The following KCNG3 variants were observed in gnomAD, a reference collection of about 807,000 sequenced individuals.
The protein encoded by KCNG3 is potassium voltage-gated channel modifier subfamily G member 3, also known as voltage-gated potassium channel regulatory subunit KCNG3.
A neutral mutation model predicts 29.0 loss-of-function variants in KCNG3; 15 were observed. The observed-to-expected ratio is 0.52, with a 90% CI of 0.35 to 0.80. The LOEUF is 0.80. Among genes scored for constraint, KCNG3 ranks in the 30% least tolerant of loss-of-function variants. The probability of loss-of-function intolerance (pLI) is 0.01; values close to 1 mark genes in which losing one functional copy is unlikely to be tolerated. For missense variants in KCNG3, 512 were observed against 605.7 expected, an observed-to-expected ratio of 0.85 and a Z score of 1.62; for synonymous variants, 322 against 248.9, an observed-to-expected ratio of 1.29 and a Z score of -2.76.
chr2:42,413,033 A>G, the KCNG3 span, among the ~76,000 whole-genome samples: 23 of 152,204 alleles, frequency 1.5e-4, no homozygotes, highest in East Asian at 4.3e-3. Context: ...GCAGTGGTGC[A>G]ATCATAGTTC....
chr2:42,405,670 C>T, the KCNG3 span, among the ~76,000 whole-genome samples: 5 of 152,028 alleles, frequency 3.3e-5, no homozygotes, highest in East Asian at 5.8e-4. Context: ...TGCAGTGGCG[C>T]AATCTCAGCT....
the KCNG3 span, among the ~76,000 whole-genome samples, chr2:42,431,652 A>G: frequency 6.6e-6 from 1 of 152,232 alleles, no homozygotes; most frequent in Admixed American, 6.5e-5. Context: ...CTTGCAGATA[A>G]TATTAAGCTT....
At chr2:42,432,782 A>G in the KCNG3 span, among the ~76,000 whole-genome samples, 1 of 152,168 alleles carries the variant, frequency 6.6e-6, no homozygotes, top group Non-Finnish European at 1.5e-5. Flanking sequence ...AAAACCATCA[A>G]CAAGTACTTC....
At chr2:42,389,237 C>T in the KCNG3 span, among the ~76,000 whole-genome samples, 1 of 152,152 alleles carries the variant, frequency 6.6e-6, no homozygotes, top group African/African-American at 2.4e-5. Context: ...TACTTTGTAA[C>T]CTGCTTTTAT....
At chr2:42,455,750 C>G (rs1672860785) in intron 1 of KCNG3, among the ~76,000 whole-genome samples, 1 of 151,904 alleles carries the variant, frequency 6.6e-6, no homozygotes, top group Non-Finnish European at 1.5e-5. Flanking sequence ...GACTAGGCAA[C>G]AGACCAAAAT....
the KCNG3 span, among the ~76,000 whole-genome samples, chr2:42,422,653 A>G: frequency 6.6e-6 from 1 of 152,150 alleles, no homozygotes; most frequent in African/African-American, 2.4e-5. Context: ...AAGGCAGACA[A>G]TTAGAAGTAA....
the KCNG3 span, chr2:42,424,894 GC>G: frequency 6.6e-6 from 1 of 152,298 alleles, no homozygotes; most frequent in East Asian, 1.9e-4. Context: ...CAGGACCCCG[GC>G]TCCACAGCTA....
chr2:42,493,627 G>C lies in KCNG3; in HGVS notation c.-126C>G, dbSNP rs942066209. The C allele has an allele frequency of 1.1e-5, 9 of 810,140 alleles. No individual in the cohort carries two copies. The African/African-American group carries it at 1.6e-4, about 15-fold the overall frequency. The allele number at this position is 810,140 out of a possible 1,614,324, so 50.2% of individuals were successfully genotyped here. A position where few individuals can be genotyped will look rare whatever the true frequency, so the allele number is the denominator to read the frequency against. ...CGCCGTCGGGGCCCGCGCTCCCTCGGGGCTCCGCTCCTGCCCTCCGCTGGC... is the reference window on the plus strand; with the variant it reads ...CGCCGTCGGGGCCCGCGCTCCCTCGCGGCTCCGCTCCTGCCCTCCGCTGGC... On this transcript the variant is annotated 5_prime_UTR_variant, in exon 1 of 2. Transcript: ENST00000306078.
intron 1 of KCNG3, among the ~76,000 whole-genome samples, chr2:42,484,179 T>C (rs994618585): frequency 4.6e-5 from 7 of 152,056 alleles, no homozygotes; most frequent in African/African-American, 1.7e-4. Context: ...AGAGAAAATC[T>C]GACCGGGTGC....
intron 1 of KCNG3, among the ~76,000 whole-genome samples, chr2:42,491,285 C>G (rs552982497): frequency 6.4e-4 from 98 of 152,088 alleles, no homozygotes; most frequent in African/African-American, 2.2e-3. Context: ...GGCCCTTTCC[C>G]TCTCCCAAAA....
At chr2:42,419,603 G>A in the KCNG3 span, among the ~76,000 whole-genome samples, 1 of 152,064 alleles carries the variant, frequency 6.6e-6, no homozygotes, top group Non-Finnish European at 1.5e-5. Context: ...TTAAGGAAGT[G>A]GAAACTGAAT....
At chr2:42,410,933 A>C in the KCNG3 span, among the ~76,000 whole-genome samples, 7 of 152,092 alleles carry the variant, frequency 4.6e-5, no homozygotes, top group Non-Finnish European at 1.5e-5. Flanking sequence ...TATGTTGTAC[A>C]TTTATCTTTA....
chr2:42,448,344 CTTATTTATTTATTTATTTATTTAT>C, intron 1 of KCNG3, among the ~76,000 whole-genome samples: 2 of 145,760 alleles, frequency 1.4e-5, no homozygotes, highest in East Asian at 2.0e-4. Flanking sequence ...CCACTTCCCA[CTTATTTATTTATTTATTTATTTAT>C]TTATTTATTT....
the KCNG3 span, among the ~76,000 whole-genome samples, chr2:42,435,785 A>G: frequency 2.0e-5 from 3 of 152,188 alleles, no homozygotes; most frequent in Non-Finnish European, 2.9e-5. Flanking sequence ...ACCTTCACAC[A>G]TTGCTGGTGG....
At position 42,471,870 on chromosome 2, in the gene KCNG3, C is replaced by T. The variant is rs200689150; in HGVS notation, c.665+20967G>A. Among the ~76,000 whole-genome samples the T allele has an allele frequency of 4.7e-5, 6 of 128,356 alleles. No individual in the cohort carries two copies. In the East Asian group the frequency reaches 6.5e-4, roughly 14 times the overall value. 84.2% of individuals were successfully genotyped at this position (128,356 alleles called of 152,430 possible). A position where few individuals can be genotyped will look rare whatever the true frequency, so the allele number is the denominator to read the frequency against. ...CTGCACTCCAGCCTAAGTGACACAG[C>T]GAGACCCTGTATCTCAAAAAAAAAA... On this transcript the variant is annotated intron_variant, in intron 1 of 1. Coordinates refer to ENST00000306078, the MANE Select transcript of KCNG3 (RefSeq NM_133329.6).
rs1378528817 is a variant in KCNG3 at position 42,443,920 on chromosome 2, T to C, written c.*14A>G. The C allele has an allele frequency of 6.3e-6, 10 of 1,588,836 alleles. No individual in the cohort carries two copies. The highest frequency in any genetic ancestry group is 8.6e-6 in the Non-Finnish European group (10 of 1,168,070). ...CTTTCTATGAAGTGTATGCAAGAATTGATTTGCAATGCATTAATTCAGGAA... is the reference window on the plus strand; with the variant it reads ...CTTTCTATGAAGTGTATGCAAGAATCGATTTGCAATGCATTAATTCAGGAA... On this transcript the variant is annotated 3_prime_UTR_variant, in exon 2 of 2. Transcript: ENST00000306078.
intron 1 of KCNG3, among the ~76,000 whole-genome samples, chr2:42,471,617 G>C (rs1247308360): frequency 6.6e-6 from 1 of 152,112 alleles, no homozygotes; most frequent in African/African-American, 2.4e-5. Flanking sequence ...TTGTATACTT[G>C]AAATGGTAAA....
chr2:42,395,503 T>A, the KCNG3 span, among the ~76,000 whole-genome samples: 1 of 152,246 alleles, frequency 6.6e-6, no homozygotes, highest in South Asian at 2.1e-4. Context: ...CAGGTGTGCA[T>A]TTTTACTGTA....
At chr2:42,396,800 G>C in the KCNG3 span, among the ~76,000 whole-genome samples, 45 of 152,268 alleles carry the variant, frequency 3.0e-4, no homozygotes, top group African/African-American at 8.4e-4. Context: ...GGATGGGTAG[G>C]AGAGGTCAGG....
Sources: allele counts gnomAD v4.1 joint callset (sites outside exome capture counted in the v4.1 genomes callset), GRCh38; gene constraint gnomAD v4.1.1; transcripts MANE v1.5; gene names NCBI Gene and HGNC (gene_info 2026-07-23, HGNC 2026-07-21).